Variants in MYRIP observed in about 807,000 individuals in gnomAD.
MYRIP encodes the protein myosin VIIA and Rab interacting protein.
In MYRIP, 49 loss-of-function variants were observed where a neutral mutation model predicts 98.0. The ratio of observed to expected loss-of-function variants is 0.50; its 90% CI spans 0.40 to 0.63. The LOEUF (loss-of-function observed/expected upper bound fraction) is 0.63. MYRIP is among the 30% of genes least tolerant of loss of function. MYRIP has a pLI of 0.00. For missense variants in MYRIP, 1,004 were observed against 1,058.2 expected, an observed-to-expected ratio of 0.95 and a Z score of 0.71; for synonymous variants, 404 against 409.5, an observed-to-expected ratio of 0.99 and a Z score of 0.16.
In MYRIP at chr3:39,888,216, A is replaced by G. The variant is rs554702520; in HGVS notation, c.-30-12571A>G. The stretch of plus-strand genomic sequence containing the variant: ...ATGGAACCAAAAAAGGGCCCACATC[A>G]CCAAGTCAATCCTAAGCCAAAAGAA... On this transcript the variant is annotated intron_variant, in intron 1 of 16. Transcript: ENST00000302541. Among the ~76,000 whole-genome samples the G allele has an allele frequency of 9.0e-3, 1,377 of 152,184 alleles. 22 individuals are homozygous for G. The highest frequency in any genetic ancestry group is 0.031 in the African/African-American group (1,301 of 41,494).
chr3:40,173,144 C>T lies in MYRIP; in HGVS notation c.873+3051C>T, dbSNP rs1950657795. On this transcript the variant is annotated intron_variant, in intron 8 of 16. Transcript: ENST00000302541. ...TATAGTAATAACACAGGACCAATAC[C>T]TTTTCTTTATATAAATTTTATATGC... 1.3e-5 allele frequency: 2 copies of T among 152,128 alleles called. 1 individual carries two copies. Among genetic ancestry groups the T allele is most frequent in the South Asian group, 4.1e-4 (2 of 4,820 alleles). The allele number at this position is 152,128 out of a possible 1,614,324, so 9.4% of individuals were successfully genotyped here. A position where few individuals can be genotyped will look rare whatever the true frequency, so the allele number is the denominator to read the frequency against.
At chr3:40,010,698 G>A (rs552409425) in intron 2 of MYRIP, among the ~76,000 whole-genome samples, 2 of 152,220 alleles carry the variant, frequency 1.3e-5, no homozygotes, top group East Asian at 1.9e-4. Flanking sequence ...AGCCAGTATG[G>A]TTGCTCTAAG....
chr3:39,954,161 G>T (rs916564267), intron 2 of MYRIP, among the ~76,000 whole-genome samples: 1 of 152,178 alleles, frequency 6.6e-6, no homozygotes, highest in Non-Finnish European at 1.5e-5. Context: ...GAAGAGAGTA[G>T]TGGTTCTCCC....
At chr3:39,953,566 C>T (rs1945080566) in intron 2 of MYRIP, among the ~76,000 whole-genome samples, 1 of 152,072 alleles carries the variant, frequency 6.6e-6, no homozygotes, top group Admixed American at 6.6e-5. Context: ...GAGGGTGGTT[C>T]CAAGATGGCC....
intron 2 of MYRIP, among the ~76,000 whole-genome samples, chr3:39,944,649 T>C (rs1339658945): frequency 1.3e-5 from 2 of 152,180 alleles, no homozygotes; most frequent in Non-Finnish European, 2.9e-5. Flanking sequence ...TTAATACTTT[T>C]CTAAATTTTG....
At chr3:39,941,017 G>A (rs760437061) in intron 2 of MYRIP, among the ~76,000 whole-genome samples, 80 of 152,110 alleles carry the variant, frequency 5.3e-4, no homozygotes, top group Admixed American at 8.5e-4. Flanking sequence ...GGAAAAAAGT[G>A]AATGAAAAAG....
chr3:40,064,098 T>G (rs1948078236), intron 3 of MYRIP, among the ~76,000 whole-genome samples: 1 of 152,140 alleles, frequency 6.6e-6, no homozygotes, highest in Admixed American at 6.5e-5. Flanking sequence ...GAATCTAGGC[T>G]GCAAGCAGAG....
chr3:40,108,178 A>T (rs1181702382), intron 3 of MYRIP, among the ~76,000 whole-genome samples: 45 of 48,282 alleles, frequency 9.3e-4, no homozygotes, highest in Non-Finnish European at 1.3e-3. Flanking sequence ...TGTTTGTGAG[A>T]GAGAGAGAGA....
At chr3:39,836,512 A>G (rs1393954569) in intron 1 of MYRIP, among the ~76,000 whole-genome samples, 1 of 152,146 alleles carries the variant, frequency 6.6e-6, no homozygotes, top group Non-Finnish European at 1.5e-5. Context: ...AGATGGATAG[A>G]TTGCAAAAAT....
intron 10 of MYRIP, among the ~76,000 whole-genome samples, chr3:40,206,586 G>C (rs950093165): frequency 6.6e-6 from 1 of 152,076 alleles, no homozygotes; most frequent in Non-Finnish European, 1.5e-5. Context: ...AACCAGATGA[G>C]GGCCCTTCCT....
At chr3:39,878,900 CAA>C (rs140566973) in intron 1 of MYRIP, among the ~76,000 whole-genome samples, 59,683 of 123,670 alleles carry the variant, frequency 0.48, 12,835 homozygotes, top group Middle Eastern at 0.58. Flanking sequence ...ACTAAAAATA[CAA>C]AAAAAAAAAA....
At chr3:39,866,894 A>C (rs975250859) in intron 1 of MYRIP, among the ~76,000 whole-genome samples, 1 of 152,154 alleles carries the variant, frequency 6.6e-6, no homozygotes, top group African/African-American at 2.4e-5. Flanking sequence ...AAAAAGAACA[A>C]AGTTAGAGGC....
In MYRIP at chr3:40,077,694, GC is replaced by G. The variant is rs1168462574; in HGVS notation, c.332+33427del. On this transcript the variant is annotated intron_variant, in intron 3 of 16. Coordinates refer to ENST00000302541, the MANE Select transcript of MYRIP (RefSeq NM_015460.4). ...GAGCTAGACATAAAGGTTCTCCAAG[GC>G]CCCACCACAGTAGCTAGATACAGAG... 3.9e-5 allele frequency among the ~76,000 whole-genome samples: 6 copies of G among 152,188 alleles called. No homozygotes were observed. The East Asian group carries it at 9.6e-4, about 24-fold the overall frequency.
intron 2 of MYRIP, among the ~76,000 whole-genome samples, chr3:39,985,965 A>G (rs1011858427): frequency 6.6e-6 from 1 of 152,110 alleles, no homozygotes; most frequent in Non-Finnish European, 1.5e-5. Flanking sequence ...AATGGGATCT[A>G]ATTAAACTAA....
At chr3:40,058,569 ACCAAGAGAAT>A (rs1308772069) in intron 3 of MYRIP, among the ~76,000 whole-genome samples, 3 of 152,212 alleles carry the variant, frequency 2.0e-5, no homozygotes, top group Admixed American at 1.3e-4. Context: ...ATAAAGTTAT[ACCAAGAGAAT>A]TAAGAATGAG....
At chr3:40,154,990 A>AT (rs1559424254) in intron 4 of MYRIP, among the ~76,000 whole-genome samples, 1 of 151,828 alleles carries the variant, frequency 6.6e-6, no homozygotes. Flanking sequence ...TATTTTTATT[A>AT]TTTTTTTATT....
intron 9 of MYRIP, among the ~76,000 whole-genome samples, chr3:40,187,861 A>G (rs1032525020): frequency 6.6e-6 from 1 of 152,216 alleles, no homozygotes; most frequent in Admixed American, 6.5e-5. Flanking sequence ...AATGTCCTCC[A>G]GGAAAAGGCC....
chr3:40,188,851 A>C (rs915473634), intron 9 of MYRIP, among the ~76,000 whole-genome samples: 1 of 152,204 alleles, frequency 6.6e-6, no homozygotes, highest in African/African-American at 2.4e-5. Context: ...CGAATAGCTA[A>C]CGGAGCAGCA....
intron 8 of MYRIP, among the ~76,000 whole-genome samples, chr3:40,181,130 T>C (rs1950874206): frequency 6.6e-6 from 1 of 152,184 alleles, no homozygotes; most frequent in Non-Finnish European, 1.5e-5. Flanking sequence ...GCTACCATTA[T>C]CATACAGTTT....
Sources: allele counts gnomAD v4.1 joint callset (sites outside exome capture counted in the v4.1 genomes callset), GRCh38; gene constraint gnomAD v4.1.1; transcripts MANE v1.5; gene names NCBI Gene and HGNC (gene_info 2026-07-23, HGNC 2026-07-21).